The following PALS1 variants were observed in gnomAD, a reference collection of about 807,000 sequenced individuals.
PALS1 encodes the protein protein associated with LIN7 1, MAGUK p55 family member.
A neutral mutation model predicts 78.9 loss-of-function variants in PALS1; 31 were observed. The ratio of observed to expected loss-of-function variants is 0.39; its 90% CI spans 0.30 to 0.53. The LOEUF (loss-of-function observed/expected upper bound fraction) is 0.53. PALS1 is among the 20% of genes least tolerant of loss of function. The pLI is 0.67. For missense variants in PALS1, 704 were observed against 826.5 expected (o/e 0.85, Z 1.82); for synonymous variants, 276 against 270.9 (o/e 1.02, Z -0.18).
intron 1 of PALS1, among the ~76,000 whole-genome samples, chr14:67,259,888 A>AG (rs1256198267): frequency 6.6e-6 from 1 of 151,932 alleles, no homozygotes; most frequent in Non-Finnish European, 1.5e-5. Flanking sequence ...AAGAAAAAAA[A>AG]AAAAAAAAAG....
At position 67,279,503 on chromosome 14, in the gene PALS1, C is replaced by T; in HGVS notation, c.333C>T (p.Val111=). 3 of 1,564,360 alleles carry T rather than the reference C, an allele frequency of 1.9e-6. No individual in the cohort carries two copies. Among genetic ancestry groups the T allele is most frequent in the Non-Finnish European group, 2.6e-6 (3 of 1,158,018 alleles). The change falls in exon 3 of 15, where the codon GTC becomes GTT. Residue 111 remains valine, a synonymous_variant. Transcript: ENST00000261681. ...TGTTTGATACAGAGGAAGGAATTGTCTTAGAAAGTCCTCATTATGCTGTGA... is the reference window on the plus strand; with the variant it reads ...TGTTTGATACAGAGGAAGGAATTGTTTTAGAAAGTCCTCATTATGCTGTGA... ...NPMFDTEEGI[V]LESPHYAVKI... is the part of the protein sequence containing the mutation.
At chr14:67,332,095 T>C (rs1465626105) in intron 14 of PALS1, among the ~76,000 whole-genome samples, 1 of 152,260 alleles carries the variant, frequency 6.6e-6, no homozygotes, top group African/African-American at 2.4e-5. Context: ...TGAGACATTT[T>C]GTCTTGAGTT....
At chr14:67,306,056 G>A (rs769554848) in intron 8 of PALS1, among the ~76,000 whole-genome samples, 7 of 152,052 alleles carry the variant, frequency 4.6e-5, no homozygotes, top group Non-Finnish European at 7.4e-5. Context: ...TGCAACCTCC[G>A]CCTCCCAGAG....
At chr14:67,296,857 C>G (rs1195660187) in intron 4 of PALS1, among the ~76,000 whole-genome samples, 5 of 152,132 alleles carry the variant, frequency 3.3e-5, no homozygotes, top group African/African-American at 9.7e-5. Context: ...ACCTCAGCCT[C>G]CTGAATAGCT....
At chr14:67,261,140 T>G (rs1249458134) in intron 1 of PALS1, among the ~76,000 whole-genome samples, 1 of 152,128 alleles carries the variant, frequency 6.6e-6, no homozygotes, top group Non-Finnish European at 1.5e-5. Flanking sequence ...TGGTACATAG[T>G]AAATTCTCAG....
intron 14 of PALS1, among the ~76,000 whole-genome samples, chr14:67,329,635 A>G (rs536372648): frequency 6.6e-6 from 1 of 152,086 alleles, no homozygotes; most frequent in Admixed American, 6.6e-5. Context: ...AGCTCTTATT[A>G]TTTTGAGATA....
At chr14:67,258,244 T>G (rs947929134) in intron 1 of PALS1, among the ~76,000 whole-genome samples, 15 of 152,034 alleles carry the variant, frequency 9.9e-5, no homozygotes, top group African/African-American at 3.6e-4. Context: ...CCATAAAAAT[T>G]TGATAATAGG....
Position 67,311,552 on chromosome 14 carries a change from G to T in PALS1, c.1042-975G>T, listed in dbSNP as rs72717383. On this transcript the variant is annotated intron_variant, in intron 8 of 14. Coordinates refer to ENST00000261681, the MANE Select transcript of PALS1 (RefSeq NM_022474.4). ...GGAAGTGTCACATGCAACTTGCCCA[G>T]GTTAGGTAAAAATTAGACATGGGGA... Among the ~76,000 whole-genome samples the T allele has an allele frequency of 2.6e-5, 4 of 152,080 alleles. No individual in the cohort carries two copies. In the South Asian group the frequency reaches 8.3e-4, roughly 31 times the overall value.
At chr14:67,286,473 A>G (rs2084689300) in intron 3 of PALS1, among the ~76,000 whole-genome samples, 1 of 152,202 alleles carries the variant, frequency 6.6e-6, no homozygotes, top group South Asian at 2.1e-4. Flanking sequence ...GCAGAATTGT[A>G]TAGAATGTTG....
At chr14:67,269,012 T>C (rs900713982) in intron 1 of PALS1, among the ~76,000 whole-genome samples, 2 of 152,176 alleles carry the variant, frequency 1.3e-5, no homozygotes, top group Non-Finnish European at 2.9e-5. Flanking sequence ...CCTGCATGCC[T>C]TGGCCATAAT....
In PALS1 at chr14:67,292,615, G is replaced by T; in HGVS notation, c.472G>T (p.Asp158Tyr). ...SLLLQLVQNK[D>Y]FQNAFKIHNA... ...GCTTTTACAACTTGTTCAAAATAAGGATTTCCAGAATGCATTTAAGATACA... is the reference window on the plus strand; with the variant it reads ...GCTTTTACAACTTGTTCAAAATAAGTATTTCCAGAATGCATTTAAGATACA... The change falls in exon 4 of 15, where the codon GAT becomes TAT. Residue 158 changes from aspartate to tyrosine, a missense_variant. Physicochemically the swap from Asp to Tyr is radical, Grantham distance 160. Transcript: ENST00000261681. The T allele has an allele frequency of 6.2e-7, 1 of 1,613,572 alleles. No homozygotes were observed. The highest frequency in any genetic ancestry group is 8.5e-7 in the Non-Finnish European group (1 of 1,179,712).
At chr14:67,273,585 G>C (rs1428568342) in intron 2 of PALS1, among the ~76,000 whole-genome samples, 6 of 152,164 alleles carry the variant, frequency 3.9e-5, no homozygotes, top group Admixed American at 3.9e-4. Flanking sequence ...GTCAACATAT[G>C]TGTGCATGTG....
chr14:67,254,024 A>ACC, intron 1 of PALS1, among the ~76,000 whole-genome samples: 1 of 114,158 alleles, frequency 8.8e-6, no homozygotes. Context: ...CCTTATATTC[A>ACC]TCCCCCCCCC....
chr14:67,266,337 A>G (rs971715139), intron 1 of PALS1, among the ~76,000 whole-genome samples: 5 of 151,046 alleles, frequency 3.3e-5, no homozygotes, highest in Admixed American at 1.3e-4. Flanking sequence ...AAATATTTCA[A>G]TTTTTTTTTG....
At chr14:67,249,649 T>C (rs906137254) in intron 1 of PALS1, among the ~76,000 whole-genome samples, 1 of 152,260 alleles carries the variant, frequency 6.6e-6, no homozygotes, top group South Asian at 2.1e-4. Context: ...TTTTGAGTTA[T>C]GCTTTTTTGA....
chr14:67,255,267 T>C (rs1426209966), intron 1 of PALS1, among the ~76,000 whole-genome samples: 2 of 152,196 alleles, frequency 1.3e-5, no homozygotes, highest in African/African-American at 4.8e-5. Flanking sequence ...ATGGAGTACA[T>C]TGAGAGCAAA....
intron 3 of PALS1, among the ~76,000 whole-genome samples, chr14:67,281,376 G>A (rs1431088509): frequency 6.6e-6 from 1 of 152,104 alleles, no homozygotes; most frequent in African/African-American, 2.4e-5. Context: ...TACAGTGAAA[G>A]CTAAAAGATT....
At chr14:67,302,836 A>G (rs779306107) in intron 7 of PALS1, among the ~76,000 whole-genome samples, 5 of 152,086 alleles carry the variant, frequency 3.3e-5, no homozygotes, top group Non-Finnish European at 7.4e-5. Context: ...CACTCAGTAC[A>G]TATTTATTGA....
In PALS1 at chr14:67,279,443, C is replaced by T. The variant is rs761428167; in HGVS notation, c.273C>T (p.Ala91=). Residue 91 remains alanine, a synonymous_variant, in exon 3 of 15, where the codon GCC becomes GCT. Coordinates refer to ENST00000261681, the MANE Select transcript of PALS1 (RefSeq NM_022474.4). The part of the protein sequence containing the change: ...LNSSMRLKKL[A]QIPPKTGIDN... ...CTTCCATGAGACTTAAGAAACTAGC[C>T]CAAATTCCTCCAAAGACCGGAATAG... is the stretch of plus-strand genomic sequence containing the variant. The T allele has an allele frequency of 3.7e-6, 6 of 1,613,072 alleles. No individual in the cohort carries two copies. Among genetic ancestry groups the T allele is most frequent in the Non-Finnish European group, 5.1e-6 (6 of 1,179,688 alleles).
Sources: gnomAD v4.1 joint callset for allele counts (sites outside exome capture counted in the v4.1 genomes callset) on GRCh38, gnomAD v4.1.1 for gene constraint, MANE v1.5 for transcripts, NCBI Gene and HGNC (gene_info 2026-07-23, HGNC 2026-07-21) for gene names.